The following ATAD5 variants were observed in gnomAD, a reference collection of about 807,000 sequenced individuals.
ATAD5 encodes the protein ATPase family AAA domain containing 5.
A neutral mutation model predicts 176.9 loss-of-function variants in ATAD5; 58 were observed. That is an observed-to-expected ratio of 0.33 (90% CI 0.27 to 0.41). The LOEUF is 0.41. ATAD5 is among the 10% of genes least tolerant of loss of function. The probability of loss-of-function intolerance (pLI) is 1.00; values close to 1 mark genes in which losing one functional copy is unlikely to be tolerated. For missense variants in ATAD5, 1,789 were observed against 2,094.1 expected, an observed-to-expected ratio of 0.85 and a Z score of 2.84; for synonymous variants, 640 against 712.6, an observed-to-expected ratio of 0.90 and a Z score of 1.62.
chr17:30,890,418 CTTTTTT>C (rs968126768), intron 19 of ATAD5, among the ~76,000 whole-genome samples: 9 of 106,722 alleles, frequency 8.4e-5, no homozygotes, highest in Non-Finnish European at 1.3e-4. Flanking sequence ...CTCTTCTTTT[CTTTTTT>C]TTTTTTTTTT....
intron 11 of ATAD5, among the ~76,000 whole-genome samples, chr17:30,866,185 ATTTTTT>A (rs542432593): frequency 3.4e-4 from 27 of 79,236 alleles, no homozygotes; most frequent in South Asian, 1.0e-3. Flanking sequence ...GAATTTACAA[ATTTTTT>A]TTTTTTTTTT....
At chr17:30,875,849 C>T (rs1163078588) in intron 14 of ATAD5, among the ~76,000 whole-genome samples, 3 of 149,610 alleles carry the variant, frequency 2.0e-5, no homozygotes, top group Admixed American at 1.3e-4. Context: ...TTCTAAATGA[C>T]TGGCTTGGCC....
intron 17 of ATAD5, 90 bp downstream of exon 17, chr17:30,878,186 A>C: frequency 1.2e-6 from 1 of 865,486 alleles, no homozygotes; most frequent in Non-Finnish European, 1.8e-6. Context: ...ACTCACAAAT[A>C]GCAATTACTT....
chr17:30,850,831 T>TTATATA (rs1906846952), intron 6 of ATAD5, among the ~76,000 whole-genome samples: 2 of 62,586 alleles, frequency 3.2e-5, no homozygotes, highest in East Asian at 5.6e-4. Context: ...ATTTATATAT[T>TTATATA]TTTATATATA....
Position 30,865,842 on chromosome 17 carries a change from T to A in ATAD5, c.3233+42T>A, listed in dbSNP as rs779602943. The A allele has an allele frequency of 6.9e-6, 9 of 1,295,912 alleles. No homozygotes were observed. The South Asian group carries it at 1.3e-4, about 18-fold the overall frequency. 80.3% of individuals were successfully genotyped at this position (1,295,912 alleles called of 1,614,324 possible). A position where few individuals can be genotyped will look rare whatever the true frequency, so the allele number is the denominator to read the frequency against. ...AGGAATTGAGAAATAGTTTACAAAC[T>A]TAGTTTTACTGTTTTTGTTTCGAAA... On this transcript the variant is annotated intron_variant, in intron 11 of 22. Transcript: ENST00000321990.
intron 18 of ATAD5, among the ~76,000 whole-genome samples, chr17:30,881,450 C>A (rs1909007681): frequency 6.6e-6 from 1 of 152,166 alleles, no homozygotes; most frequent in Non-Finnish European, 1.5e-5. Context: ...GAGACGCACA[C>A]CACCACGCCT....
At chr17:30,894,222 T>C in intron 21 of ATAD5, 72 bp downstream of exon 21, 2 of 1,287,740 alleles carry the variant, frequency 1.6e-6, no homozygotes, top group Non-Finnish European at 2.1e-6. Context: ...GAGTTTTTTC[T>C]TAATTTAAAA....
intron 19 of ATAD5, among the ~76,000 whole-genome samples, chr17:30,889,128 T>C (rs2142449089): frequency 6.7e-6 from 1 of 149,198 alleles, no homozygotes; most frequent in South Asian, 2.1e-4. Context: ...CCTCCCACCC[T>C]GTTCCCCCTT....
At chr17:30,862,367 A>G (rs1318716020) in intron 10 of ATAD5, among the ~76,000 whole-genome samples, 1 of 152,118 alleles carries the variant, frequency 6.6e-6, no homozygotes, top group South Asian at 2.1e-4. Context: ...AGTTGAAAAA[A>G]AAATATGGTC....
At chr17:30,860,709 A>T in intron 10 of ATAD5, 97 bp downstream of exon 10, 3 of 1,001,942 alleles carry the variant, frequency 3.0e-6, no homozygotes, top group Non-Finnish European at 2.8e-6. Flanking sequence ...CTTTTTAAAA[A>T]ATTTTAATTC....
intron 6 of ATAD5, among the ~76,000 whole-genome samples, chr17:30,847,709 C>T (rs547093312): frequency 6.9e-6 from 1 of 145,368 alleles, no homozygotes; most frequent in African/African-American, 2.5e-5. Flanking sequence ...AAATAGACTG[C>T]TATGAACATT....
chr17:30,873,499 G>T (rs1252703515), intron 14 of ATAD5, among the ~76,000 whole-genome samples: 1 of 151,684 alleles, frequency 6.6e-6, no homozygotes, highest in African/African-American at 2.4e-5. Flanking sequence ...TGTGTTTTTA[G>T]TAGAGACACG....
intron 6 of ATAD5, among the ~76,000 whole-genome samples, chr17:30,850,819 ATATTTATATATT>A (rs1452307739): frequency 2.9e-5 from 2 of 68,438 alleles, no homozygotes; most frequent in African/African-American, 1.6e-4. Flanking sequence ...ATTATTATTT[ATATTTATATATT>A]TTTATATATA....
rs148400890 is a variant in ATAD5, at chr17:30,835,097, T to C, written c.1016T>C (p.Ile339Thr). 232 of 1,613,952 alleles carry C rather than the reference T, an allele frequency of 1.4e-4. No homozygotes were observed. The highest frequency in any genetic ancestry group is 3.3e-4 in the Middle Eastern group (2 of 6,084). Residue 339 changes from isoleucine (I) to threonine (T), a missense_variant, in exon 2 of 23, where the codon ATA (isoleucine) becomes ACA (threonine). Around this residue, in one of 6 missense-constraint regions of ATAD5, gnomAD observed 696 missense variants for 712.5 expected, o/e 0.98. Coordinates refer to ENST00000321990, the MANE Select transcript of ATAD5 (RefSeq NM_024857.5). Reference sequence around the variant, plus strand: ...ATTCCGCCCAAAAAGACAGGGAAAATACCCCGAATTTTCTTGAAACAAAAG... The same window carrying C: ...ATTCCGCCCAAAAAGACAGGGAAAACACCCCGAATTTTCTTGAAACAAAAG... Reference protein sequence around the residue: ...HPIPPKKTGKIPRIFLKQKQF... With the variant: ...HPIPPKKTGKTPRIFLKQKQF...
In ATAD5 at chr17:30,892,593, C is replaced by CT; in HGVS notation, c.4259-10dup. On this transcript the variant is annotated splice_polypyrimidine_tract_variant and intron_variant, in intron 19 of 22. Transcript: ENST00000321990. ...AATACATATATAGAGCTAAGATTTT[C>CT]TTTTATTTTGTAGGTGGAAATAGCA... is the stretch of plus-strand genomic sequence containing the variant. 1 of 1,527,502 alleles carries CT rather than the reference C, an allele frequency of 6.5e-7. No individual in the cohort carries two copies. The highest frequency in any genetic ancestry group is 8.8e-7 in the Non-Finnish European group (1 of 1,141,890). The allele number at this position is 1,527,502 out of a possible 1,614,324, so 94.6% of individuals were successfully genotyped here. A position where few individuals can be genotyped will look rare whatever the true frequency, so the allele number is the denominator to read the frequency against.
At chr17:30,852,301 T>C (rs769836588) in intron 6 of ATAD5, among the ~76,000 whole-genome samples, 10 of 152,192 alleles carry the variant, frequency 6.6e-5, no homozygotes, top group Non-Finnish European at 1.3e-4. Context: ...TCCTCATAAT[T>C]TATGGAGCAT....
chr17:30,878,575 G>T (rs1908800896), intron 17 of ATAD5, among the ~76,000 whole-genome samples: 1 of 151,638 alleles, frequency 6.6e-6, no homozygotes, highest in South Asian at 2.1e-4. Flanking sequence ...TCAAAAAATT[G>T]GAAATACTAT....
chr17:30,853,044 C>T (rs918311866), intron 6 of ATAD5, among the ~76,000 whole-genome samples: 12 of 151,888 alleles, frequency 7.9e-5, no homozygotes, highest in Non-Finnish European at 1.5e-4. Context: ...CGCCTGCCAC[C>T]ACAGCCAGCT....
At position 30,845,482 on chromosome 17, in the gene ATAD5, T is replaced by A. The variant is rs1229977403; in HGVS notation, c.2450+566T>A. On this transcript the variant is annotated intron_variant, in intron 6 of 22. Transcript: ENST00000321990. ...GAACTGTGTTTCAGCCAGAGAGAAC[T>A]GTCTATGTAAAGTCTCTGTAGCTGG... 2.0e-5 allele frequency among the ~76,000 whole-genome samples: 3 copies of A among 152,174 alleles called. No homozygotes were observed. The South Asian group carries it at 6.2e-4, about 32-fold the overall frequency.
Sources: gnomAD v4.1 joint callset for allele counts (sites outside exome capture counted in the v4.1 genomes callset) on GRCh38, gnomAD v4.1.1 for gene constraint, gnomAD v4.1.1 regional missense constraint, MANE v1.5 for transcripts, NCBI Gene and HGNC (gene_info 2026-07-23, HGNC 2026-07-21) for gene names.